Variants in ZNF69 observed in about 807,000 individuals in gnomAD.
ZNF69 encodes the protein ZNF3.
Under a neutral mutation model 50.9 loss-of-function variants are expected in ZNF69, and 47 were observed. That is an observed-to-expected ratio of 0.92 (90% CI 0.73 to 1.18). The LOEUF is 1.18. Among genes scored for constraint, ZNF69 ranks in the 50% most tolerant of loss-of-function variants. The pLI, the probability that ZNF69 is intolerant of heterozygous loss-of-function variation, is 0.00. For synonymous variants in ZNF69, 216 were observed against 223.1 expected, an observed-to-expected ratio of 0.97 and a Z score of 0.29; for missense variants, 717 against 675.1, an observed-to-expected ratio of 1.06 and a Z score of -0.69.
At chr19:11,907,681 A>G (rs1003341408), downstream of ZNF69, among the ~76,000 whole-genome samples, 1 of 152,222 alleles carries the variant, frequency 6.6e-6, no homozygotes, top group African/African-American at 2.4e-5. Context: ...AGCACTAAAC[A>G]TGGAAAGGAA....
At chr19:11,942,884 TAA>T in the ZNF69 span, among the ~76,000 whole-genome samples, 2 of 152,216 alleles carry the variant, frequency 1.3e-5, no homozygotes, top group Non-Finnish European at 2.9e-5. Flanking sequence ...TATGAGACAA[TAA>T]GAGAGGTGGT....
chr19:11,965,080 C>A, the ZNF69 span: 3 of 1,219,472 alleles, frequency 2.5e-6, no homozygotes, highest in Admixed American at 1.9e-5. Context: ...TGGTTGATAT[C>A]CGCTGTATCC....
chr19:11,972,247 C>T, the ZNF69 span, among the ~76,000 whole-genome samples: 1 of 151,290 alleles, frequency 6.6e-6, no homozygotes, highest in African/African-American at 2.4e-5. Flanking sequence ...ATTGCACCAC[C>T]ACACTCCAGC....
chr19:11,940,373 G>C, the ZNF69 span, among the ~76,000 whole-genome samples: 1 of 152,144 alleles, frequency 6.6e-6, no homozygotes, highest in Non-Finnish European at 1.5e-5. Context: ...TCTGGAGTTT[G>C]TTCCTTCTGA....
At chr19:11,910,731 C>T (rs1204861119), downstream of ZNF69, among the ~76,000 whole-genome samples, 2 of 152,096 alleles carry the variant, frequency 1.3e-5, no homozygotes, top group Non-Finnish European at 2.9e-5. Context: ...AGAAGAAAAC[C>T]TAGGCAGTAA....
At chr19:11,891,367 T>C (rs954146055) in intron 1 of ZNF69, among the ~76,000 whole-genome samples, 3 of 126,406 alleles carry the variant, frequency 2.4e-5, no homozygotes, top group African/African-American at 1.0e-4. Flanking sequence ...TGAGAGCCTG[T>C]CTGTATTAAA....
At chr19:11,913,536 G>C in exon 5 of ZNF69, 5 of 389,470 alleles carry the variant, frequency 1.3e-5, no homozygotes, top group Non-Finnish European at 2.4e-5. Context: ...CTACAGGCAT[G>C]CACCACCACG....
At chr19:11,925,124 C>G in the ZNF69 span, 9 of 1,525,584 alleles carry the variant, frequency 5.9e-6, no homozygotes, top group Admixed American at 5.5e-5. Flanking sequence ...TTCCTCGCTG[C>G]GCGGGCGGCG....
the ZNF69 span, among the ~76,000 whole-genome samples, chr19:11,923,483 C>G: frequency 6.6e-6 from 1 of 152,192 alleles, no homozygotes; most frequent in African/African-American, 2.4e-5. Context: ...CTCCCGGGCT[C>G]CGGGCCCTAG....
the ZNF69 span, among the ~76,000 whole-genome samples, chr19:11,927,540 G>A: frequency 2.0e-5 from 3 of 152,128 alleles, no homozygotes; most frequent in South Asian, 6.2e-4. Context: ...GGAACGTACT[G>A]TCTTTAAGTT....
the ZNF69 span, among the ~76,000 whole-genome samples, chr19:11,967,553 G>A: frequency 9.9e-5 from 15 of 151,930 alleles, no homozygotes; most frequent in African/African-American, 2.7e-4. Context: ...ACAGGCACCC[G>A]CCACCACGCT....
At position 11,904,997 on chromosome 19, in the gene ZNF69, T is replaced by C. The variant is rs765019146; in HGVS notation, c.600T>C (p.Thr200=). The change falls in exon 4 of 4, where the codon ACT becomes ACC. Residue 200 remains threonine (T), a synonymous_variant. Coordinates refer to ENST00000429654, the MANE Select transcript of ZNF69 (RefSeq NM_001364730.1). The part of the protein sequence containing the change: ...KPYACKECGK[T]FISHSSIQRH... ...ATGCTTGTAAAGAATGTGGAAAAAC[T>C]TTTATTTCCCATTCAAGCATTCAAA... is the stretch of plus-strand genomic sequence containing the variant. 5.6e-6 allele frequency: 9 copies of C among 1,613,754 alleles called. No homozygotes were observed. In the African/African-American group the frequency reaches 9.4e-5, roughly 17 times the overall value.
rs1972301528 is a variant in ZNF69 at position 11,903,817 on chromosome 19, G to A, written c.191-88G>A. 5.6e-6 allele frequency: 9 copies of A among 1,605,490 alleles called. No individual in the cohort carries two copies. The South Asian group carries it at 1.0e-4, about 18-fold the overall frequency. ...ATACTTTGATGAATAAATGAGGTAT[G>A]GCTGCAGTAAATCATGGGCATAGAA... On this transcript the variant is annotated intron_variant, in intron 2 of 3. Coordinates refer to ENST00000429654, the MANE Select transcript of ZNF69 (RefSeq NM_001364730.1).
the ZNF69 span, among the ~76,000 whole-genome samples, chr19:11,942,021 G>C: frequency 6.6e-6 from 1 of 152,032 alleles, no homozygotes; most frequent in Non-Finnish European, 1.5e-5. Context: ...GGCCTCTTGT[G>C]CACTTAGGGT....
chr19:11,926,038 C>A, the ZNF69 span, among the ~76,000 whole-genome samples: 3 of 152,046 alleles, frequency 2.0e-5, no homozygotes, highest in Non-Finnish European at 4.4e-5. Context: ...TAGGTGGCAG[C>A]TGGTTGAGAG....
chr19:11,949,932 G>A, the ZNF69 span: 66 of 1,595,036 alleles, frequency 4.1e-5, 1 homozygote, highest in South Asian at 7.3e-4. Flanking sequence ...CAAACCTTCA[G>A]ATGCATGAAA....
At chr19:11,936,076 A>C in the ZNF69 span, among the ~76,000 whole-genome samples, 3 of 152,152 alleles carry the variant, frequency 2.0e-5, no homozygotes, top group Admixed American at 6.5e-5. Flanking sequence ...CATGGTGTAT[A>C]TATGCCACAT....
chr19:11,941,518 C>T, the ZNF69 span, among the ~76,000 whole-genome samples: 2 of 152,220 alleles, frequency 1.3e-5, no homozygotes, highest in South Asian at 2.1e-4. Context: ...CCCAGTACAC[C>T]CTCTGCAGCC....
chr19:11,951,237 T>TG, the ZNF69 span, among the ~76,000 whole-genome samples: 2 of 127,714 alleles, frequency 1.6e-5, no homozygotes, highest in African/African-American at 8.4e-5. Context: ...CTGGTTTTTG[T>TG]TTTTTTTTTT....
Sources: allele counts gnomAD v4.1 joint callset (sites outside exome capture counted in the v4.1 genomes callset), GRCh38; gene constraint gnomAD v4.1.1; transcripts MANE v1.5; gene names NCBI Gene and HGNC (gene_info 2026-07-23, HGNC 2026-07-21).